Variants in GMDS observed in about 807,000 individuals in gnomAD.
GMDS encodes the protein GDP-mannose 4,6 dehydratase.
A neutral mutation model predicts 49.9 loss-of-function variants in GMDS; 20 were observed. That is an observed-to-expected ratio of 0.40 (90% confidence interval 0.28 to 0.58). GMDS has a LOEUF of 0.58. Ranked by LOEUF, GMDS falls within the 20% of genes least tolerant of loss-of-function variation. The pLI is 0.42. For missense variants in GMDS, 362 were observed against 481.4 expected (o/e 0.75, Z 2.32); for synonymous variants, 177 against 178.6 (o/e 0.99, Z 0.07).
intron 7 of GMDS, among the ~76,000 whole-genome samples, chr6:1,784,145 G>A (rs948758452): frequency 3.9e-5 from 6 of 152,096 alleles, no homozygotes; most frequent in Non-Finnish European, 7.4e-5. Context: ...AGATTTCTGA[G>A]TATAATAATA....
chr6:1,846,164 C>T (rs1026840090), intron 7 of GMDS, among the ~76,000 whole-genome samples: 2 of 149,950 alleles, frequency 1.3e-5, no homozygotes, highest in Non-Finnish European at 3.0e-5. Flanking sequence ...ACAATCACAG[C>T]TCAATGCAGC....
intron 9 of GMDS, among the ~76,000 whole-genome samples, chr6:1,630,388 C>T (rs899614960): frequency 3.9e-5 from 6 of 152,212 alleles, no homozygotes; most frequent in Non-Finnish European, 7.3e-5. Flanking sequence ...TGGCTGTGTC[C>T]GCCTGCCCAT....
chr6:1,780,733 C>T (rs937190835), intron 7 of GMDS, among the ~76,000 whole-genome samples: 9 of 152,210 alleles, frequency 5.9e-5, no homozygotes, highest in African/African-American at 9.7e-5. Context: ...CTGCAGGGCT[C>T]GCTCACGCCA....
chr6:1,655,478 C>T (rs1025853765), intron 9 of GMDS, among the ~76,000 whole-genome samples: 7 of 38,668 alleles, frequency 1.8e-4, no homozygotes, highest in African/African-American at 5.6e-4. Flanking sequence ...GAAAGCCTTA[C>T]ACACACACAC....
At chr6:1,692,067 G>A (rs1220766994) in intron 9 of GMDS, among the ~76,000 whole-genome samples, 2 of 152,216 alleles carry the variant, frequency 1.3e-5, no homozygotes, top group Admixed American at 1.3e-4. Context: ...CATGGGAAGG[G>A]CAGACTTGCT....
intron 6 of GMDS, among the ~76,000 whole-genome samples, chr6:1,948,575 C>T (rs188296015): frequency 1.7e-3 from 259 of 152,138 alleles, no homozygotes; most frequent in Admixed American, 7.5e-3. Context: ...GAGGATCTCT[C>T]GAGCCCAGGA....
intron 4 of GMDS, among the ~76,000 whole-genome samples, chr6:1,988,520 G>A (rs142671467): frequency 8.5e-5 from 13 of 152,128 alleles, no homozygotes; most frequent in South Asian, 4.2e-4. Context: ...TCCAATTTGG[G>A]CTCCCTATCC....
chr6:1,723,299 A>ATTTT (rs377588647), intron 9 of GMDS, among the ~76,000 whole-genome samples: 2 of 133,820 alleles, frequency 1.5e-5, no homozygotes, highest in Admixed American at 7.6e-5. Context: ...GATGTGTCCT[A>ATTTT]TTTTTTTTTT....
chr6:1,992,529 T>C (rs1766015768), intron 4 of GMDS, among the ~76,000 whole-genome samples: 1 of 152,182 alleles, frequency 6.6e-6, no homozygotes, highest in Admixed American at 6.5e-5. Flanking sequence ...CTGTTCCTAC[T>C]GCCTAAAATG....
chr6:1,988,487 A>G (rs955423913), intron 4 of GMDS, among the ~76,000 whole-genome samples: 4 of 152,022 alleles, frequency 2.6e-5, no homozygotes, highest in African/African-American at 9.7e-5. Context: ...GGGGCTCCAA[A>G]CCCAGGGTGC....
rs7767555 is a variant in GMDS, at chr6:1,649,583, C to T, written c.988-25043G>A. Among the ~76,000 whole-genome samples the T allele has an allele frequency of 4.1e-3, 617 of 152,264 alleles. 6 individuals carry two copies. The highest frequency in any genetic ancestry group is 0.014 in the African/African-American group (594 of 41,538). ...CTTTGCACCTTGTAACATGAAGGCA[C>T]GTTATCCAAGGCACAGATGCACTAG... On this transcript the variant is annotated intron_variant, in intron 9 of 10. Coordinates refer to ENST00000380815, the MANE Select transcript of GMDS (RefSeq NM_001500.4).
intron 7 of GMDS, among the ~76,000 whole-genome samples, chr6:1,909,102 G>A (rs1581342565): frequency 6.6e-6 from 1 of 152,132 alleles, no homozygotes; most frequent in African/African-American, 2.4e-5. Context: ...TATTTGTATT[G>A]CTGCCACTAG....
intron 6 of GMDS, among the ~76,000 whole-genome samples, chr6:1,944,709 TA>T (rs1328452965): frequency 6.9e-6 from 1 of 145,832 alleles, no homozygotes; most frequent in Admixed American, 6.8e-5. Context: ...ACGTTCGAAG[TA>T]ACTTAACAAA....
chr6:1,916,335 C>T (rs1329481952), intron 7 of GMDS, among the ~76,000 whole-genome samples: 3 of 151,738 alleles, frequency 2.0e-5, no homozygotes, highest in Non-Finnish European at 4.4e-5. Context: ...CCTTCACGTG[C>T]GGGGGTGGGG....
chr6:2,009,776 T>C (rs923041310), intron 4 of GMDS, among the ~76,000 whole-genome samples: 6 of 152,170 alleles, frequency 3.9e-5, no homozygotes, highest in Admixed American at 3.9e-4. Context: ...CAATGACAAA[T>C]AGGATCTTCA....
At chr6:1,918,505 G>C (rs987130786) in intron 7 of GMDS, among the ~76,000 whole-genome samples, 26 of 151,634 alleles carry the variant, frequency 1.7e-4, no homozygotes, top group African/African-American at 6.1e-4. Context: ...CAGTCCTTTG[G>C]GGGGCCGAGG....
intron 4 of GMDS, among the ~76,000 whole-genome samples, chr6:2,048,725 G>T (rs1054857472): frequency 6.6e-6 from 1 of 151,930 alleles, no homozygotes; most frequent in African/African-American, 2.4e-5. Context: ...TTCTTCTTGT[G>T]ATCTTGCATA....
In GMDS at chr6:2,076,855, G is replaced by A. The variant is rs912797249; in HGVS notation, c.345+38916C>T. Among the ~76,000 whole-genome samples the A allele has an allele frequency of 2.6e-5, 4 of 152,140 alleles. No individual in the cohort carries two copies. The East Asian group carries it at 5.8e-4, about 22-fold the overall frequency. The stretch of plus-strand genomic sequence containing the variant: ...CCATTCAGGACATACGCATGGGCAA[G>A]GACTTCATGTCTAAAACACCAAAAG... On this transcript the variant is annotated intron_variant, in intron 4 of 10. Coordinates refer to ENST00000380815, the MANE Select transcript of GMDS (RefSeq NM_001500.4).
At chr6:1,762,064 A>C (rs936232979) in intron 7 of GMDS, among the ~76,000 whole-genome samples, 3 of 152,260 alleles carry the variant, frequency 2.0e-5, no homozygotes, top group Non-Finnish European at 4.4e-5. Context: ...CGAGAAGCAC[A>C]GTCTGTTTCA....
Sources: allele counts gnomAD v4.1 joint callset (sites outside exome capture counted in the v4.1 genomes callset), GRCh38; gene constraint gnomAD v4.1.1; transcripts MANE v1.5; gene names NCBI Gene and HGNC (gene_info 2026-07-23, HGNC 2026-07-21).